Variants in RBM44 observed in about 807,000 individuals in gnomAD.
The protein encoded by RBM44 is RNA-binding protein 44.
RBM44 carries 66 observed loss-of-function variants against 105.1 expected under a neutral mutation model. That is an observed-to-expected ratio of 0.63 (90% CI 0.52 to 0.77). RBM44 has a LOEUF of 0.77. Ranked by LOEUF, RBM44 falls within the 30% of genes least tolerant of loss-of-function variation. The probability of loss-of-function intolerance (pLI) is 0.00; values close to 1 mark genes in which losing one functional copy is unlikely to be tolerated. For synonymous variants in RBM44, 365 were observed against 417.6 expected (o/e 0.87, Z 1.54); for missense variants, 1,122 against 1,207.8 (o/e 0.93, Z 1.05).
chr2:237,805,622 C>T (rs1179197026), intron 1 of RBM44, among the ~76,000 whole-genome samples: 1 of 152,178 alleles, frequency 6.6e-6, no homozygotes, highest in Non-Finnish European at 1.5e-5. Context: ...TAGACCTCTA[C>T]CTTTCACCAT....
chr2:237,812,985 T>C, intron 1 of RBM44, among the ~76,000 whole-genome samples: 1 of 152,214 alleles, frequency 6.6e-6, no homozygotes, highest in East Asian at 1.9e-4. Context: ...ATTACCTTTT[T>C]AAAACAGTTT....
In RBM44 at chr2:237,803,503, A is replaced by G. The variant is rs2061568378; in HGVS notation, c.-19+4642A>G. On this transcript the variant is annotated intron_variant, in intron 1 of 15. Coordinates refer to ENST00000316997, the MANE Select transcript of RBM44 (RefSeq NM_001080504.3). The surrounding 1 kb of genome is among the most constrained non-coding windows in gnomAD (Gnocchi z 4.2). Reference sequence around the variant, plus strand: ...GCAATTTAAAAAATCTATTTGTACAAGTTATTTATGTAATCTGAATAAGCG... The same window carrying G: ...GCAATTTAAAAAATCTATTTGTACAGGTTATTTATGTAATCTGAATAAGCG... Among the ~76,000 whole-genome samples the G allele has an allele frequency of 6.6e-6, 1 of 152,206 alleles. No individual in the cohort carries two copies.
At chr2:237,807,082 T>C (rs1178696273) in intron 1 of RBM44, among the ~76,000 whole-genome samples, 2 of 152,172 alleles carry the variant, frequency 1.3e-5, no homozygotes, top group African/African-American at 4.8e-5. Context: ...TTTAAGTTTT[T>C]AATAATAAGG....
At position 237,817,078 on chromosome 2, in the gene RBM44, C is replaced by T. The variant is rs773855320; in HGVS notation, c.159C>T (p.Asp53=). 2 of 1,602,984 alleles carry T rather than the reference C, an allele frequency of 1.2e-6. No individual in the cohort carries two copies. The highest frequency in any genetic ancestry group is 1.3e-5 in the African/African-American group (1 of 74,270). ...DEVKLTFPDD[D]WNSSTLEQRA... ...TCAAATTGACTTTTCCTGATGATGA[C>T]TGGAATTCTTCGACACTAGAGCAAA... Residue 53 remains aspartate, a synonymous_variant, in exon 3 of 16, where the codon GAC becomes GAT. Coordinates refer to ENST00000316997, the MANE Select transcript of RBM44 (RefSeq NM_001080504.3).
intron 1 of RBM44, among the ~76,000 whole-genome samples, chr2:237,809,218 T>C (rs1174730864): frequency 2.0e-5 from 3 of 152,226 alleles, no homozygotes; most frequent in Non-Finnish European, 4.4e-5. Context: ...CAAACATAAC[T>C]TTCATATACT....
At chr2:237,801,616 C>T (rs891429752) in intron 1 of RBM44, among the ~76,000 whole-genome samples, 13 of 152,092 alleles carry the variant, frequency 8.5e-5, no homozygotes, top group Admixed American at 5.2e-4. Flanking sequence ...TGTGAGCCAC[C>T]GCACCTGGCC....
chr2:237,818,971 A>G lies in RBM44; in HGVS notation c.1736+12A>G, dbSNP rs145483657. On this transcript the variant is annotated intron_variant, in intron 4 of 15. Transcript: ENST00000316997. The surrounding 1 kb of genome is among the most constrained non-coding windows in gnomAD (Gnocchi z 4.6). ...AAACATCCTGAGAGGTACATCATTT[A>G]TATATGCTTACAGATACATCTGGAA... 1,348 of 1,363,922 alleles carry G rather than the reference A, an allele frequency of 9.9e-4. 11 individuals are homozygous for G. In the African/African-American group the frequency reaches 0.017, roughly 17 times the overall value. 84.5% of individuals were successfully genotyped at this position (1,363,922 alleles called of 1,614,324 possible). A position where few individuals can be genotyped will look rare whatever the true frequency, so the allele number is the denominator to read the frequency against.
intron 8 of RBM44, 69 bp from the exon 9 acceptor site, chr2:237,823,371 A>G (rs1396496986): frequency 1.4e-6 from 1 of 706,450 alleles, no homozygotes; most frequent in Non-Finnish European, 2.4e-6. Flanking sequence ...AGTGAAGAGT[A>G]CCTGTCACAT....
At position 237,820,179 on chromosome 2, in the gene RBM44, T is replaced by C. The variant is rs1425192787; in HGVS notation, c.1741T>C (p.Phe581Leu). Residue 581 changes from phenylalanine (F) to leucine (L), a missense_variant, in exon 5 of 16, where the codon TTT becomes CTT. Coordinates refer to ENST00000316997, the MANE Select transcript of RBM44 (RefSeq NM_001080504.3). ...TCCTATCTTTTATTTTTAAAGGGAA[T>C]TTCAACTTTTTAAAGATACAGAGAA... ...TDLKKHPERE[F>L]QLFKDTEKDL... The C allele has an allele frequency of 6.6e-7, 1 of 1,505,852 alleles. No homozygotes were observed. Among genetic ancestry groups the C allele is most frequent in the Admixed American group, 2.4e-5 (1 of 42,436 alleles). 93.3% of individuals were successfully genotyped at this position (1,505,852 alleles called of 1,614,324 possible). A position where few individuals can be genotyped will look rare whatever the true frequency, so the allele number is the denominator to read the frequency against.
intron 13 of RBM44, 103 bp from the exon 14 acceptor site, chr2:237,833,894 T>A: frequency 1.7e-6 from 1 of 596,898 alleles, no homozygotes; most frequent in Non-Finnish European, 2.5e-6. Flanking sequence ...GAATTTTTAT[T>A]TTATTATTTT....
At position 237,818,462 on chromosome 2, in the gene RBM44, CAAA is replaced by C; in HGVS notation, c.1547_1549del (p.Lys516del). On this transcript the variant is annotated inframe_deletion, in exon 3 of 16. Transcript: ENST00000316997. The surrounding 1 kb of genome is among the most constrained non-coding windows in gnomAD (Gnocchi z 4.6). ...ACCTGATGAATGGCAAAATGAGAAA[CAAA>C]AAAGTGTGGCTTGTAGTACAGATTG... 6.2e-7 allele frequency: 1 copy of C among 1,612,238 alleles called. No individual in the cohort carries two copies. The highest frequency in any genetic ancestry group is 8.5e-7 in the Non-Finnish European group (1 of 1,179,140).
chr2:237,817,164 C>A lies in RBM44; in HGVS notation c.245C>A (p.Ser82Ter), dbSNP rs2061727543. ...ATGGATTTATTAGAGCCATTTTTTTCAGTGAGTCAAGATACTAACACAGAG... is the reference window on the plus strand; with the variant it reads ...ATGGATTTATTAGAGCCATTTTTTTAAGTGAGTCAAGATACTAACACAGAG... ...DKMDLLEPFF[S>*]VSQDTNTEST... is the part of the protein sequence containing the mutation. Residue 82 changes from serine to a stop codon, truncating the protein, a stop_gained, in exon 3 of 16, where the codon TCA becomes TAA. Transcript: ENST00000316997. LOFTEE classifies it high-confidence loss of function. 1.2e-6 allele frequency: 2 copies of A among 1,606,218 alleles called. No homozygotes were observed. Among genetic ancestry groups the A allele is most frequent in the Non-Finnish European group, 1.7e-6 (2 of 1,176,946 alleles).
chr2:237,820,926 A>G, intron 5 of RBM44, 145 bp from the exon 6 acceptor site: 1 of 576,004 alleles, frequency 1.7e-6, no homozygotes, highest in Non-Finnish European at 3.0e-6. Flanking sequence ...TGTGGCACAC[A>G]TGTAGTCCTA....
Position 237,834,088 on chromosome 2 carries a change from G to T in RBM44, c.2978G>T (p.Arg993Leu), listed in dbSNP as rs1226839077. 1 of 1,582,476 alleles carries T rather than the reference G, an allele frequency of 6.3e-7. No individual in the cohort carries two copies. Among genetic ancestry groups the T allele is most frequent in the African/African-American group, 1.3e-5 (1 of 74,552 alleles). Reference sequence around the variant, plus strand: ...ATACCTCCAAATACATTGAACCTTCGTAGCTTTACCAAGATCATAAAGAGA... The same window carrying T: ...ATACCTCCAAATACATTGAACCTTCTTAGCTTTACCAAGATCATAAAGAGA... ...QFIPPNTLNL[R>L]SFTKIIKRLA... Residue 993 changes from arginine to leucine, a missense_variant, in exon 14 of 16, where the codon CGT (arginine) becomes CTT (leucine). By Grantham distance (102) the Arg-to-Leu change is moderately radical (BLOSUM62 -2). Around this residue, in one of 3 missense-constraint regions of RBM44, gnomAD observed 194 missense variants for 225.5 expected, o/e 0.86. Coordinates refer to ENST00000316997, the MANE Select transcript of RBM44 (RefSeq NM_001080504.3).
At chr2:237,810,749 A>G (rs141416303) in intron 1 of RBM44, among the ~76,000 whole-genome samples, 2 of 152,326 alleles carry the variant, frequency 1.3e-5, no homozygotes, top group East Asian at 3.9e-4. Context: ...TGATTGGCAC[A>G]GAGGAAAAAG....
At chr2:237,838,945 C>T (rs1470437356) in intron 15 of RBM44, among the ~76,000 whole-genome samples, 1 of 152,240 alleles carries the variant, frequency 6.6e-6, no homozygotes, top group Non-Finnish European at 1.5e-5. Flanking sequence ...TAGTTGCCCT[C>T]TGCCTAGCAC....
At chr2:237,835,222 G>C (rs2061947639) in intron 15 of RBM44, among the ~76,000 whole-genome samples, 1 of 152,124 alleles carries the variant, frequency 6.6e-6, no homozygotes, top group African/African-American at 2.4e-5. Context: ...CTCACTGGCT[G>C]TTTCCCCATC....
chr2:237,839,228 T>C (rs2150992977), intron 15 of RBM44, among the ~76,000 whole-genome samples: 1 of 152,304 alleles, frequency 6.6e-6, no homozygotes, highest in African/African-American at 2.4e-5. Context: ...TGGGGGCAAC[T>C]ACTAAAAGAA....
intron 13 of RBM44, among the ~76,000 whole-genome samples, chr2:237,831,969 G>A (rs1205335125): frequency 1.3e-5 from 2 of 152,080 alleles, no homozygotes; most frequent in African/African-American, 4.8e-5. Flanking sequence ...TGTAGCACAT[G>A]TGGTCTCCTG....
Sources: gnomAD v4.1 joint callset for allele counts (sites outside exome capture counted in the v4.1 genomes callset) on GRCh38, gnomAD v4.1.1 for gene constraint, gnomAD v4.1.1 regional missense constraint, Gnocchi (gnomAD v3.1) non-coding constraint, MANE v1.5 for transcripts, NCBI Gene and HGNC (gene_info 2026-07-23, HGNC 2026-07-21) for gene names.